Variants in P3H2 observed in about 807,000 individuals in gnomAD.
P3H2 encodes prolyl 3-hydroxylase 2.
A neutral mutation model predicts 87.0 loss-of-function variants in P3H2; 80 were observed. That is an observed-to-expected ratio of 0.92 (90% CI 0.77 to 1.11). The LOEUF (loss-of-function observed/expected upper bound fraction) is 1.11. Ranked by LOEUF, P3H2 falls within the 50% of genes least tolerant of loss-of-function variation. P3H2 has a pLI of 0.00. For missense variants in P3H2, 1,001 were observed against 923.9 expected (o/e 1.08, Z -1.08); for synonymous variants, 367 against 359.3 (o/e 1.02, Z -0.24).
chr3:190,117,123 C>G lies in P3H2; in HGVS notation c.480+3129G>C, dbSNP rs556198766. ...AAGAATCCAGACTCCTGACTCCCAGCCCTGTGCTCATTTCAACAGATCATT... is the reference window on the plus strand; with the variant it reads ...AAGAATCCAGACTCCTGACTCCCAGGCCTGTGCTCATTTCAACAGATCATT... On this transcript the variant is annotated intron_variant, in intron 1 of 14. Transcript: ENST00000319332. Among the ~76,000 whole-genome samples, 3 of 152,354 alleles carry G rather than the reference C, an allele frequency of 2.0e-5. No individual in the cohort carries two copies. The South Asian group carries it at 6.2e-4, about 32-fold the overall frequency.
At position 190,047,321 on chromosome 3, in the gene P3H2, T is replaced by C. The variant is rs1035655873; in HGVS notation, c.481-51879A>G. Among the ~76,000 whole-genome samples, 4 of 152,188 alleles carry C rather than the reference T, an allele frequency of 2.6e-5. No homozygotes were observed. The East Asian group carries it at 5.8e-4, about 22-fold the overall frequency. On this transcript the variant is annotated intron_variant, in intron 1 of 14. Transcript: ENST00000319332. ...TATGGAAACCAATATGGAAACAGTATGGAGAGTCCTCAAAAAACTAAAAGT... is the reference window on the plus strand; with the variant it reads ...TATGGAAACCAATATGGAAACAGTACGGAGAGTCCTCAAAAAACTAAAAGT...
chr3:190,115,470 T>A (rs907390591), intron 1 of P3H2, among the ~76,000 whole-genome samples: 1 of 150,192 alleles, frequency 6.7e-6, no homozygotes, highest in Admixed American at 6.6e-5. Flanking sequence ...TTCCTGATTA[T>A]AAAGGACACA....
At position 190,114,186 on chromosome 3, in the gene P3H2, ATTATTT is replaced by A. The variant is rs1333165889; in HGVS notation, c.480+6060_480+6065del. Among the ~76,000 whole-genome samples the A allele has an allele frequency of 3.1e-3, 417 of 132,588 alleles. 4 individuals are homozygous for A. The highest frequency in any genetic ancestry group is 0.012 in the African/African-American group (403 of 34,522). The allele number at this position is 132,588 out of a possible 152,430, so 87.0% of individuals were successfully genotyped here. ...TTGCTGCCCTCATCTAATTATTATT[ATTATTT>A]TTTTTTTTTGAGGCGGAGTCTTGCT... is the stretch of plus-strand genomic sequence containing the variant. On this transcript the variant is annotated intron_variant, in intron 1 of 14. Transcript: ENST00000319332.
chr3:190,063,026 G>A (rs928420009), intron 1 of P3H2, among the ~76,000 whole-genome samples: 11 of 152,146 alleles, frequency 7.2e-5, no homozygotes, highest in African/African-American at 2.7e-4. Context: ...TAATCAATCA[G>A]AGAAGTTATA....
rs1725441685 is a variant in P3H2 at position 190,036,888 on chromosome 3, G to A, written c.481-41446C>T. Among the ~76,000 whole-genome samples, 2 of 151,902 alleles carry A rather than the reference G, an allele frequency of 1.3e-5. 1 individual carries two copies. Among genetic ancestry groups the A allele is most frequent in the South Asian group, 4.2e-4 (2 of 4,814 alleles). On this transcript the variant is annotated intron_variant, in intron 1 of 14. Transcript: ENST00000319332. ...TAACAACAAAGGCCTCCAAAGGCAT[G>A]GAAAAACTGAATCATCATTCTTTGA...
intron 1 of P3H2, among the ~76,000 whole-genome samples, chr3:190,109,913 A>G (rs994121778): frequency 7.2e-6 from 1 of 139,760 alleles, no homozygotes; most frequent in African/African-American, 2.7e-5. Context: ...CAGTGGCGTG[A>G]TCTCAGCTCA....
chr3:189,998,128 G>A (rs1724104555), intron 1 of P3H2, among the ~76,000 whole-genome samples: 1 of 152,170 alleles, frequency 6.6e-6, no homozygotes, highest in Non-Finnish European at 1.5e-5. Context: ...TTTCAAGGAG[G>A]TGAATCTGCT....
chr3:190,087,659 A>C (rs1160449930), intron 1 of P3H2, among the ~76,000 whole-genome samples: 1 of 152,174 alleles, frequency 6.6e-6, no homozygotes, highest in Non-Finnish European at 1.5e-5. Context: ...GAATACGATC[A>C]GTATTTCTAA....
At chr3:190,102,687 A>G (rs1711673576) in intron 1 of P3H2, among the ~76,000 whole-genome samples, 4 of 152,236 alleles carry the variant, frequency 2.6e-5, no homozygotes, top group Admixed American at 2.6e-4. Context: ...AAGATTGAGA[A>G]TATTACATAA....
chr3:189,986,946 A>C (rs900411853), intron 5 of P3H2, 69 bp from the exon 6 acceptor site: 1 of 1,028,994 alleles, frequency 9.7e-7, no homozygotes, highest in African/African-American at 1.6e-5. Flanking sequence ...ATAAATGTTC[A>C]GGTGGCAATA....
chr3:190,075,248 G>A (rs889747075), intron 1 of P3H2, among the ~76,000 whole-genome samples: 1 of 152,190 alleles, frequency 6.6e-6, no homozygotes, highest in South Asian at 2.1e-4. Flanking sequence ...CACTTTGGGA[G>A]GCCAAGGCGG....
rs1326378113 is a variant in P3H2 at position 190,052,869 on chromosome 3, C to G, written c.481-57427G>C. Among the ~76,000 whole-genome samples the G allele has an allele frequency of 2.6e-5, 4 of 152,178 alleles. No homozygotes were observed. In the East Asian group the frequency reaches 7.7e-4, roughly 29 times the overall value. ...TCAAGACAATGAATATATCCACTCT[C>G]CCTAAAAGTTTCCGTGTGCCACTTT... On this transcript the variant is annotated intron_variant, in intron 1 of 14. Coordinates refer to ENST00000319332, the MANE Select transcript of P3H2 (RefSeq NM_018192.4).
chr3:190,046,510 TA>T (rs1560377670), intron 1 of P3H2, among the ~76,000 whole-genome samples: 1 of 152,178 alleles, frequency 6.6e-6, no homozygotes, highest in African/African-American at 2.4e-5. Flanking sequence ...GGAGCAGAGT[TA>T]GAGAGCCCTC....
intron 1 of P3H2, among the ~76,000 whole-genome samples, chr3:190,087,999 T>C (rs527294405): frequency 6.6e-5 from 10 of 152,196 alleles, no homozygotes; most frequent in Non-Finnish European, 1.3e-4. Flanking sequence ...ACGAGTTCTG[T>C]TGTGCAAGTT....
intron 1 of P3H2, among the ~76,000 whole-genome samples, chr3:190,118,031 T>A (rs1439753567): frequency 2.0e-5 from 3 of 152,190 alleles, no homozygotes; most frequent in Non-Finnish European, 4.4e-5. Flanking sequence ...CAACACCCAG[T>A]AATTCACTTA....
At chr3:190,035,611 C>T (rs947406273) in intron 1 of P3H2, among the ~76,000 whole-genome samples, 1 of 152,042 alleles carries the variant, frequency 6.6e-6, no homozygotes, top group African/African-American at 2.4e-5. Context: ...CATTAATAAT[C>T]TTATGCGTTT....
At chr3:190,023,128 A>AATATAT (rs113609818) in intron 1 of P3H2, among the ~76,000 whole-genome samples, 22 of 152,030 alleles carry the variant, frequency 1.4e-4, no homozygotes, top group Non-Finnish European at 2.5e-4. Context: ...GCCCAGCCAA[A>AATATAT]ATATATACAT....
At chr3:190,078,409 A>G (rs1015514447) in intron 1 of P3H2, among the ~76,000 whole-genome samples, 3 of 152,218 alleles carry the variant, frequency 2.0e-5, no homozygotes, top group Non-Finnish European at 4.4e-5. Context: ...TTACTATTAA[A>G]CAAGAAAGTA....
At chr3:189,970,160 T>G (rs1723127119) in intron 13 of P3H2, among the ~76,000 whole-genome samples, 1 of 97,246 alleles carries the variant, frequency 1.0e-5, no homozygotes, top group Non-Finnish European at 2.0e-5. Context: ...ACAGTCACAA[T>G]CATATATCTC....
Sources: gnomAD v4.1 joint callset for allele counts (sites outside exome capture counted in the v4.1 genomes callset) on GRCh38, gnomAD v4.1.1 for gene constraint, MANE v1.5 for transcripts, NCBI Gene and HGNC (gene_info 2026-07-23, HGNC 2026-07-21) for gene names.